ABLIM3: variants seen among roughly 807,000 people sequenced by gnomAD.
The protein encoded by ABLIM3 is actin binding LIM protein family member 3, also known as actin-binding LIM protein 3.
Under a neutral mutation model 109.5 loss-of-function variants are expected in ABLIM3, and 61 were observed. That is an observed-to-expected ratio of 0.56 (90% CI 0.45 to 0.69). The LOEUF (loss-of-function observed/expected upper bound fraction) is 0.69, where lower values mean the gene tolerates loss of function less well. Among genes scored for constraint, ABLIM3 ranks in the 30% least tolerant of loss-of-function variants. The pLI is 0.00. For missense variants in ABLIM3, 796 were observed against 889.5 expected (o/e 0.89, Z 1.34); for synonymous variants, 300 against 324.8 (o/e 0.92, Z 0.82).
At chr5:149,218,658 C>T (rs951096369) in intron 8 of ABLIM3, 3 of 152,308 alleles carry the variant, frequency 2.0e-5, no homozygotes, top group African/African-American at 7.2e-5. Context: ...AAAATGAACT[C>T]ATGGCCCTTT....
At chr5:149,158,359 A>G (rs1048740721) in intron 2 of ABLIM3, among the ~76,000 whole-genome samples, 1 of 152,202 alleles carries the variant, frequency 6.6e-6, no homozygotes. Context: ...GTTTGAAAAA[A>G]GTTAATATGG....
intron 10 of ABLIM3, among the ~76,000 whole-genome samples, chr5:149,234,032 T>C (rs566438845): frequency 1.7e-4 from 26 of 152,322 alleles, no homozygotes; most frequent in Non-Finnish European, 2.9e-4. Flanking sequence ...GGGGAAATGG[T>C]GATGAACTAC....
At chr5:149,227,644 G>A (rs1276667212) in intron 8 of ABLIM3, among the ~76,000 whole-genome samples, 1 of 152,126 alleles carries the variant, frequency 6.6e-6, no homozygotes, top group Non-Finnish European at 1.5e-5. Context: ...TTCTGCAGGG[G>A]GGCCCAGGAA....
At chr5:149,187,626 T>G (rs1757089113) in intron 3 of ABLIM3, among the ~76,000 whole-genome samples, 2 of 152,192 alleles carry the variant, frequency 1.3e-5, no homozygotes. Context: ...GCCTTCTACT[T>G]TTAAACTTAA....
At chr5:149,170,783 T>C (rs948031231) in intron 2 of ABLIM3, among the ~76,000 whole-genome samples, 7 of 152,228 alleles carry the variant, frequency 4.6e-5, no homozygotes, top group African/African-American at 1.7e-4. Context: ...CGTCCGTTGA[T>C]TTGGGGGGAG....
At chr5:149,249,946 G>A (rs1224588704) in intron 19 of ABLIM3, 102 bp downstream of exon 19, 6 of 1,380,654 alleles carry the variant, frequency 4.3e-6, no homozygotes, top group South Asian at 3.5e-5. Flanking sequence ...CAATGTGGAT[G>A]TCCCAGCCCA....
chr5:149,259,505 C>A lies in ABLIM3; in HGVS notation c.*1101C>A. On this transcript the variant is annotated 3_prime_UTR_variant, in exon 24 of 24. Coordinates refer to ENST00000309868, the MANE Select transcript of ABLIM3 (RefSeq NM_014945.5). ...CAGGGCAACCATACCATACCCCCGC[C>A]AGTCCTCGGCTCCTGCTGCAAAGTT... is the stretch of plus-strand genomic sequence containing the variant. 6.5e-7 allele frequency: 1 copy of A among 1,536,192 alleles called. No individual in the cohort carries two copies. Among genetic ancestry groups the A allele is most frequent in the Non-Finnish European group, 8.7e-7 (1 of 1,146,930 alleles).
At chr5:149,153,774 T>C (rs1753643163) in intron 2 of ABLIM3, among the ~76,000 whole-genome samples, 2 of 152,312 alleles carry the variant, frequency 1.3e-5, no homozygotes, top group South Asian at 4.1e-4. Flanking sequence ...TGATTTCAGA[T>C]TAGGTTTCAC....
chr5:149,227,563 T>TA (rs1432557729), intron 8 of ABLIM3, among the ~76,000 whole-genome samples: 1 of 152,198 alleles, frequency 6.6e-6, no homozygotes, highest in Non-Finnish European at 1.5e-5. Context: ...TTATGAGTCA[T>TA]AAAATCACCT....
chr5:149,206,985 A>C (rs1373019360), intron 5 of ABLIM3, 23 bp from the exon 6 acceptor site: 21 of 1,612,248 alleles, frequency 1.3e-5, no homozygotes, highest in Non-Finnish European at 1.8e-5. Context: ...TGCTTTGCTC[A>C]GCAGTGTCCT....
At chr5:149,186,296 C>T (rs1255927315) in intron 3 of ABLIM3, among the ~76,000 whole-genome samples, 1 of 152,028 alleles carries the variant, frequency 6.6e-6, no homozygotes, top group Non-Finnish European at 1.5e-5. Flanking sequence ...TGCCTGTAGT[C>T]CCAGCTACTC....
At chr5:149,211,073 G>T (rs1759499784) in intron 7 of ABLIM3, among the ~76,000 whole-genome samples, 1 of 152,114 alleles carries the variant, frequency 6.6e-6, no homozygotes, top group Non-Finnish European at 1.5e-5. Flanking sequence ...CTTTGATTCG[G>T]ACCCAGACAG....
intron 2 of ABLIM3, among the ~76,000 whole-genome samples, chr5:149,181,157 C>T (rs930726263): frequency 6.6e-6 from 1 of 152,182 alleles, no homozygotes; most frequent in African/African-American, 2.4e-5. Context: ...GATCACCACA[C>T]TGCTCATATA....
chr5:149,210,057 C>T (rs945412618), intron 6 of ABLIM3, among the ~76,000 whole-genome samples: 4 of 152,210 alleles, frequency 2.6e-5, no homozygotes, highest in Admixed American at 6.5e-5. Context: ...TCCGATGCCC[C>T]CAACTATCTC....
intron 18 of ABLIM3, 145 bp from the exon 19 acceptor site, chr5:149,249,670 G>T: frequency 1.2e-6 from 1 of 834,126 alleles, no homozygotes; most frequent in South Asian, 1.6e-5. Flanking sequence ...AAACTGACCA[G>T]TTCAGGAGGG....
rs549921793 is a variant in ABLIM3, at chr5:149,174,420, C to G, written c.14-9032C>G. ...CAATACATCAGTGCATGATGGCCTG[C>G]CAGCATCTCAGGAAGCAAATGTTGT... On this transcript the variant is annotated intron_variant, in intron 2 of 23. Coordinates refer to ENST00000309868, the MANE Select transcript of ABLIM3 (RefSeq NM_014945.5). 14 of 152,166 alleles carry G rather than the reference C, an allele frequency of 9.2e-5. 1 individual carries two copies. Among genetic ancestry groups the G allele is most frequent in the African/African-American group, 3.4e-4 (14 of 41,424 alleles). The allele number at this position is 152,166 out of a possible 1,614,324, so 9.4% of individuals were successfully genotyped here.
chr5:149,144,934 G>C (rs866764269), intron 2 of ABLIM3, among the ~76,000 whole-genome samples: 6 of 152,206 alleles, frequency 3.9e-5, no homozygotes, highest in South Asian at 2.1e-4. Context: ...TATACAAAGA[G>C]TCAGCCCTCA....
chr5:149,169,566 C>T (rs1755180354), intron 2 of ABLIM3, among the ~76,000 whole-genome samples: 1 of 152,162 alleles, frequency 6.6e-6, no homozygotes, highest in African/African-American at 2.4e-5. Context: ...AGATTCCCTC[C>T]CCAAGTCAGG....
chr5:149,176,211 C>T (rs924006250), intron 2 of ABLIM3, among the ~76,000 whole-genome samples: 10 of 152,102 alleles, frequency 6.6e-5, no homozygotes, highest in African/African-American at 2.4e-4. Flanking sequence ...GGATGCTGCC[C>T]AAAGCTGACA....
Sources: allele counts gnomAD v4.1 joint callset (sites outside exome capture counted in the v4.1 genomes callset), GRCh38; gene constraint gnomAD v4.1.1; transcripts MANE v1.5; gene names NCBI Gene and HGNC (gene_info 2026-07-23, HGNC 2026-07-21).